The following SHROOM2 variants were observed in gnomAD, a reference collection of about 807,000 sequenced individuals.
SHROOM2 encodes protein Shroom2.
In SHROOM2, 33 loss-of-function variants were observed where a neutral mutation model predicts 75.9. The observed-to-expected ratio is 0.43, with a 90% confidence interval of 0.33 to 0.58. The LOEUF is 0.58. Among genes scored for constraint, SHROOM2 ranks in the 20% least tolerant of loss-of-function variants. The pLI is 0.04. For synonymous variants in SHROOM2, 655 were observed against 663.6 expected, an observed-to-expected ratio of 0.99 and a Z score of 0.20; for missense variants, 1,434 against 1,461.2, an observed-to-expected ratio of 0.98 and a Z score of 0.30.
rs374781496 is a variant in SHROOM2, at chrX:9,895,010, C to G, written c.1102C>G (p.Arg368Gly). ...RGDRRPELTD[R>G]PWRSAHPGSL... ...TGACCGGAGACCAGAGCTCACCGAT[C>G]GGCCTTGGAGGTCAGCACACCCGGG... Residue 368 changes from arginine (R) to glycine (G), a missense_variant, in exon 4 of 10, where the codon CGG becomes GGG. Arg to Gly is a moderately radical substitution (Grantham distance 125). Around this residue, in one of 3 missense-constraint regions of SHROOM2, gnomAD observed 1,340 missense variants for 1,338.3 expected, o/e 1.00. Transcript: ENST00000380913. 1.7e-6 allele frequency: 2 copies of G among 1,209,670 alleles called. No individual in the cohort carries two copies. The highest frequency in any genetic ancestry group is 2.2e-6 in the Non-Finnish European group (2 of 894,690).
rs1247176267 is a variant in SHROOM2, at chrX:9,904,512, C to T, written c.2891+6222C>T. ...TGTGGAAAGCTGCCCCTTTGTTTCC[C>T]AGCAGCCCCATCCCTGGAGCCCCCA... On this transcript the variant is annotated intron_variant, in intron 5 of 9. Coordinates refer to ENST00000380913, the MANE Select transcript of SHROOM2 (RefSeq NM_001649.4). 1.2e-4 allele frequency among the ~76,000 whole-genome samples: 13 copies of T among 111,802 alleles called. No individual in the cohort carries two copies. In the Admixed American group the frequency reaches 1.2e-3, roughly 11 times the overall value.
At position 9,896,396 on chromosome X, in the gene SHROOM2, C is replaced by T. The variant is rs1383445839; in HGVS notation, c.2488C>T (p.Arg830Trp). Reference sequence around the variant, plus strand: ...CCCGAGAGACAAGCCAGAGAGGCCGCGGACAGCGGGCCGCACATGTGAGGG... The same window carrying T: ...CCCGAGAGACAAGCCAGAGAGGCCGTGGACAGCGGGCCGCACATGTGAGGG... ...GIPRDKPERP[R>W]TAGRTCEGTE... The change falls in exon 4 of 10, where the codon CGG (arginine) becomes TGG (tryptophan). Residue 830 changes from arginine to tryptophan, a missense_variant. Physicochemically the swap from Arg to Trp is moderately radical, Grantham distance 101. Coordinates refer to ENST00000380913, the MANE Select transcript of SHROOM2 (RefSeq NM_001649.4). 7 of 1,212,342 alleles carry T rather than the reference C, an allele frequency of 5.8e-6. No homozygotes were observed. The highest frequency in any genetic ancestry group is 5.9e-5 in the East Asian group (2 of 33,865).
intron 1 of SHROOM2, among the ~76,000 whole-genome samples, chrX:9,853,207 A>T (rs747129478): frequency 5.4e-5 from 6 of 110,813 alleles, no homozygotes; most frequent in Non-Finnish European, 1.1e-4. Flanking sequence ...ACCTGCCAGG[A>T]CTCCGGGAGA....
intron 1 of SHROOM2, among the ~76,000 whole-genome samples, chrX:9,844,281 G>T (rs1452773300): frequency 1.8e-5 from 2 of 111,488 alleles, no homozygotes; most frequent in East Asian, 5.6e-4. Context: ...AGAGGCCAAA[G>T]CTGGAGGATC....
intron 1 of SHROOM2, among the ~76,000 whole-genome samples, chrX:9,811,523 C>T (rs2083791478): frequency 8.9e-6 from 1 of 112,041 alleles, no homozygotes; most frequent in African/African-American, 3.2e-5. Context: ...CATACCTCAT[C>T]CCCGAATTTC....
chrX:9,823,313 G>A (rs1237861657), intron 1 of SHROOM2, among the ~76,000 whole-genome samples: 1 of 108,079 alleles, frequency 9.3e-6, no homozygotes, highest in African/African-American at 3.4e-5. Context: ...CATGATCATT[G>A]GTCACTGCAG....
chrX:9,891,636 G>A (rs1365969597), intron 3 of SHROOM2, among the ~76,000 whole-genome samples: 1 of 111,320 alleles, frequency 9.0e-6, no homozygotes, highest in Non-Finnish European at 1.9e-5. Flanking sequence ...CCCTGCTTGC[G>A]TGAGTGTGTG....
chrX:9,791,889 G>T (rs1302632816), intron 1 of SHROOM2, among the ~76,000 whole-genome samples: 1 of 108,269 alleles, frequency 9.2e-6, no homozygotes, highest in Non-Finnish European at 1.9e-5. Context: ...CAGCTACTCG[G>T]GAGGCTCCCG....
At chrX:9,837,618 C>A (rs1193324956) in intron 1 of SHROOM2, among the ~76,000 whole-genome samples, 1 of 112,293 alleles carries the variant, frequency 8.9e-6, no homozygotes, top group Admixed American at 9.4e-5. Flanking sequence ...GCTCTGAGAC[C>A]GTTCCTTGTC....
rs112628472 is a variant in SHROOM2 at position 9,895,217 on chromosome X, C to T, written c.1309C>T (p.Pro437Ser). ...RHPPLYSDHS[P>S]LCADSLGQEP... ...CCCTCCCCTATACAGCGACCACAGC[C>T]CCCTCTGTGCTGACAGCCTTGGGCA... Residue 437 changes from proline (P) to serine (S), a missense_variant, in exon 4 of 10, where the codon CCC (proline) becomes TCC (serine). Pro to Ser is a moderately conservative substitution (Grantham distance 74, BLOSUM62 -1). This residue lies in a region of SHROOM2 where 1,340 missense variants were observed against 1,338.3 expected (regional missense o/e 1.00). Transcript: ENST00000380913. The T allele has an allele frequency of 1.4e-3, 1,700 of 1,203,755 alleles. 16 individuals carry two copies. The African/African-American group carries it at 0.024, about 17-fold the overall frequency.
At chrX:9,938,405 T>C (rs1397278809) in intron 7 of SHROOM2, among the ~76,000 whole-genome samples, 1 of 109,798 alleles carries the variant, frequency 9.1e-6, no homozygotes, top group Non-Finnish European at 1.9e-5. Context: ...TACAAAAAAT[T>C]AGCCAGGCGT....
chrX:9,891,937 T>A (rs1304418583), intron 3 of SHROOM2, among the ~76,000 whole-genome samples: 2 of 110,034 alleles, frequency 1.8e-5, no homozygotes, highest in Non-Finnish European at 3.8e-5. Flanking sequence ...TTGGAGCTAA[T>A]GTAACCACTC....
intron 1 of SHROOM2, among the ~76,000 whole-genome samples, chrX:9,853,465 G>T (rs1048609488): frequency 8.9e-6 from 1 of 112,419 alleles, no homozygotes; most frequent in Non-Finnish European, 1.9e-5. Context: ...TGCAATCAGG[G>T]TGTCTGCAGA....
At chrX:9,877,863 G>A (rs2084209633) in intron 2 of SHROOM2, among the ~76,000 whole-genome samples, 1 of 110,648 alleles carries the variant, frequency 9.0e-6, no homozygotes, top group African/African-American at 3.3e-5. Context: ...TTGGGAGGGT[G>A]GGGAAGGACC....
In SHROOM2 at chrX:9,939,357, G is replaced by A. The variant is rs1373102900; in HGVS notation, c.4302G>A (p.Ser1434=). The change falls in exon 8 of 10, where the codon TCG becomes TCA. Residue 1434 remains serine, a synonymous_variant. Coordinates refer to ENST00000380913, the MANE Select transcript of SHROOM2 (RefSeq NM_001649.4). ...DSGSDLDHDL[S]VKKQELIESI... is the part of the protein sequence containing the mutation. ...GAAGCGACTTGGACCACGACCTGTC[G>A]GTGAAGAAGGTAGGAGAGTCCATTC... 4 of 1,203,180 alleles carry A rather than the reference G, an allele frequency of 3.3e-6. No homozygotes were observed. Among genetic ancestry groups the A allele is most frequent in the Non-Finnish European group, 4.5e-6 (4 of 891,103 alleles).
chrX:9,936,579 G>T (rs1451004585), intron 6 of SHROOM2, among the ~76,000 whole-genome samples: 1 of 111,694 alleles, frequency 9.0e-6, no homozygotes, highest in Non-Finnish European at 1.9e-5. Flanking sequence ...GGGCTGTCCT[G>T]CATATGGCAC....
intron 5 of SHROOM2, among the ~76,000 whole-genome samples, chrX:9,913,758 C>T (rs774353503): frequency 1.8e-4 from 20 of 111,800 alleles, no homozygotes; most frequent in South Asian, 7.5e-4. Flanking sequence ...GTAGCACTTA[C>T]GAGTAAACAG....
chrX:9,872,176 A>C (rs910442415), intron 1 of SHROOM2, among the ~76,000 whole-genome samples: 4 of 112,697 alleles, frequency 3.5e-5, no homozygotes, highest in African/African-American at 6.4e-5. Flanking sequence ...GGATTGGCTC[A>C]CTGGCCACAG....
At position 9,894,214 on chromosome X, in the gene SHROOM2, C is replaced by T. The variant is rs751595683; in HGVS notation, c.450-144C>T. The T allele has an allele frequency of 3.2e-5, 17 of 532,816 alleles. No homozygotes were observed. In the African/African-American group the frequency reaches 3.6e-4, roughly 11 times the overall value. The allele number at this position is 532,816 out of a possible 1,213,427, so 43.9% of individuals were successfully genotyped here. Reference sequence around the variant, plus strand: ...AAATCCAGATGTGCTGAGCTGCAACCTCAGCCTCAGCAACATCACCGTGGG... The same window carrying T: ...AAATCCAGATGTGCTGAGCTGCAACTTCAGCCTCAGCAACATCACCGTGGG... On this transcript the variant is annotated intron_variant, in intron 3 of 9. Coordinates refer to ENST00000380913, the MANE Select transcript of SHROOM2 (RefSeq NM_001649.4).
Sources: gnomAD v4.1 joint callset for allele counts (sites outside exome capture counted in the v4.1 genomes callset) on GRCh38, gnomAD v4.1.1 for gene constraint, gnomAD v4.1.1 regional missense constraint, MANE v1.5 for transcripts, NCBI Gene and HGNC (gene_info 2026-07-23, HGNC 2026-07-21) for gene names.